Variants in ADAM19 observed in about 807,000 individuals in gnomAD.
ADAM19 encodes ADAM metallopeptidase domain 19.
In ADAM19, 65 loss-of-function variants were observed where a neutral mutation model predicts 114.7. The observed-to-expected ratio is 0.57, with a 90% confidence interval of 0.46 to 0.70. The LOEUF is 0.70. Ranked by LOEUF, ADAM19 falls within the 30% of genes least tolerant of loss-of-function variation. The pLI is 0.00. For missense variants in ADAM19, 1,063 were observed against 1,204.7 expected (o/e 0.88, Z 1.74); for synonymous variants, 466 against 460.5 (o/e 1.01, Z -0.15).
chr5:157,563,262 G>GCTT (rs1220953826), intron 3 of ADAM19, among the ~76,000 whole-genome samples: 1 of 152,124 alleles, frequency 6.6e-6, no homozygotes, highest in Non-Finnish European at 1.5e-5. Flanking sequence ...CATCTTTCTG[G>GCTT]CTTCCCGAGG....
At chr5:157,514,212 A>G (rs180987417) in intron 7 of ADAM19, among the ~76,000 whole-genome samples, 1 of 152,338 alleles carries the variant, frequency 6.6e-6, no homozygotes, top group African/African-American at 2.4e-5. Context: ...GAGGAGGACC[A>G]TAAGACACTG....
chr5:157,547,595 A>G (rs1381139138), intron 3 of ADAM19, among the ~76,000 whole-genome samples: 1 of 152,226 alleles, frequency 6.6e-6, no homozygotes, highest in East Asian at 1.9e-4. Context: ...GAACTGTGAG[A>G]AACAGATTTC....
chr5:157,529,815 C>T (rs946342614), intron 5 of ADAM19, among the ~76,000 whole-genome samples: 4 of 152,206 alleles, frequency 2.6e-5, no homozygotes, highest in African/African-American at 9.7e-5. Flanking sequence ...GCTACCAGCT[C>T]AAAGCCAGGT....
intron 6 of ADAM19, 115 bp from the exon 7 acceptor site, chr5:157,519,003 G>T (rs1474475905): frequency 1.4e-5 from 12 of 861,544 alleles, no homozygotes; most frequent in Non-Finnish European, 1.5e-5. Context: ...TAATGATTTT[G>T]TCATTCGGCA....
intron 3 of ADAM19, among the ~76,000 whole-genome samples, chr5:157,538,345 T>C (rs1256651640): frequency 2.6e-5 from 4 of 152,226 alleles, no homozygotes; most frequent in African/African-American, 7.2e-5. Flanking sequence ...TGTACCGTGG[T>C]TGATTTTTCC....
At chr5:157,504,022 T>A (rs1324001182) in intron 11 of ADAM19, among the ~76,000 whole-genome samples, 3 of 152,256 alleles carry the variant, frequency 2.0e-5, no homozygotes, top group African/African-American at 7.2e-5. Context: ...CTGGAGCTTT[T>A]CCTTCAGTGG....
At chr5:157,518,730 G>T in intron 7 of ADAM19, 93 bp downstream of exon 7, 1 of 1,034,330 alleles carries the variant, frequency 9.7e-7, no homozygotes, top group Non-Finnish European at 1.5e-6. Context: ...GGAGAAAGAT[G>T]AATGGGCAAC....
intron 1 of ADAM19, among the ~76,000 whole-genome samples, chr5:157,574,755 G>A (rs1209970505): frequency 6.6e-6 from 1 of 152,166 alleles, no homozygotes; most frequent in Non-Finnish European, 1.5e-5. Context: ...GCCGGGGAGG[G>A]GATTGGTGTC....
chr5:157,575,632 G>A lies in ADAM19; in HGVS notation c.65C>T (p.Pro22Leu), dbSNP rs1277175602. ...CCATCCAGGCTCCCGCGCCGCCCGCGGCCGGAGGGGCTGCAGGGCAAACGC... is the reference window on the plus strand; with the variant it reads ...CCATCCAGGCTCCCGCGCCGCCCGCAGCCGGAGGGGCTGCAGGGCAAACGC... Reference protein sequence around the residue: ...LLAFALQPLRPRAAREPGWTR... With the variant: ...LLAFALQPLRLRAAREPGWTR... Residue 22 changes from proline to leucine, a missense_variant, in exon 1 of 23, where the codon CCG becomes CTG. By Grantham distance (98) the Pro-to-Leu change is moderately conservative. Transcript: ENST00000257527. 1 of 1,439,152 alleles carries A rather than the reference G, an allele frequency of 6.9e-7. No homozygotes were observed. The allele number at this position is 1,439,152 out of a possible 1,614,324, so 89.1% of individuals were successfully genotyped here. A position where few individuals can be genotyped will look rare whatever the true frequency, so the allele number is the denominator to read the frequency against.
In ADAM19 at chr5:157,488,440, C is replaced by T. The variant is rs138014472; in HGVS notation, c.2375G>A (p.Arg792Gln). Residue 792 changes from arginine to glutamine, a missense_variant, in exon 21 of 23, where the codon CGG becomes CAG. Transcript: ENST00000257527. ...ILRKPSQPPP[R>Q]PPPDYLRGGS... The stretch of plus-strand genomic sequence containing the variant: ...ACCACGCAGATAATCTGGAGGGGGC[C>T]GGGGAGGAGGCTGGGAGGGCTTCCG... 16 of 1,610,862 alleles carry T rather than the reference C, an allele frequency of 9.9e-6. No individual in the cohort carries two copies. The highest frequency in any genetic ancestry group is 1.1e-5 in the Non-Finnish European group (13 of 1,177,982).
At position 157,493,171 on chromosome 5, in the gene ADAM19, C is replaced by T. The variant is rs143295058; in HGVS notation, c.1710G>A (p.Ala570=). 7.8e-5 allele frequency: 126 copies of T among 1,613,406 alleles called. No homozygotes were observed. Among genetic ancestry groups the T allele is most frequent in the African/African-American group, 5.5e-4 (41 of 74,908 alleles). Residue 570 remains alanine, a synonymous_variant, in exon 16 of 23, where the codon GCG becomes GCA. Transcript: ENST00000257527. ...TCTGACACTGGATCTTCCCACACTT[C>T]GCATCTCTGGGCACAAGAGACAGAG... ...GEHRKCNMRD[A]KCGKIQCQSS...
chr5:157,506,174 G>C (rs10055180), intron 10 of ADAM19, among the ~76,000 whole-genome samples: 2 of 152,172 alleles, frequency 1.3e-5, no homozygotes, highest in East Asian at 3.9e-4. Flanking sequence ...ACACGACCTT[G>C]ATTCAAACAT....
rs199736936 is a variant in ADAM19, at chr5:157,513,516, C to T, written c.667-11G>A. 1 of 1,613,110 alleles carries T rather than the reference C, an allele frequency of 6.2e-7. No individual in the cohort carries two copies. Among genetic ancestry groups the T allele is most frequent in the Non-Finnish European group, 8.5e-7 (1 of 1,179,210 alleles). On this transcript the variant is annotated splice_polypyrimidine_tract_variant and intron_variant, in intron 7 of 22. Coordinates refer to ENST00000257527, the MANE Select transcript of ADAM19 (RefSeq NM_033274.5). ...TCGATTCTTCTGAAACTAAATGGGA[C>T]AAGCAGAACCATGTGAGATCCCAGA...
chr5:157,523,388 G>A (rs772109596), intron 5 of ADAM19, among the ~76,000 whole-genome samples: 5 of 152,214 alleles, frequency 3.3e-5, no homozygotes, highest in East Asian at 1.9e-4. Flanking sequence ...ATTGTTGGAG[G>A]TGGGCCTGGT....
intron 3 of ADAM19, among the ~76,000 whole-genome samples, chr5:157,540,585 AC>A (rs1390986727): frequency 6.6e-6 from 1 of 152,132 alleles, no homozygotes; most frequent in African/African-American, 2.4e-5. Flanking sequence ...CTCCCCAAAA[AC>A]AGGGACCTTG....
intron 5 of ADAM19, among the ~76,000 whole-genome samples, chr5:157,528,459 C>T (rs1334628335): frequency 6.6e-6 from 1 of 152,222 alleles, no homozygotes; most frequent in East Asian, 1.9e-4. Flanking sequence ...TTGGGACAAA[C>T]TTTGTTTACT....
At chr5:157,483,944 CTTT>C (rs397771063) in intron 21 of ADAM19, among the ~76,000 whole-genome samples, 3 of 143,716 alleles carry the variant, frequency 2.1e-5, no homozygotes, top group African/African-American at 2.6e-5. Flanking sequence ...TTGAACATTC[CTTT>C]TTTTTTTTTT....
At chr5:157,539,553 G>A (rs1199797798) in intron 3 of ADAM19, among the ~76,000 whole-genome samples, 1 of 152,160 alleles carries the variant, frequency 6.6e-6, no homozygotes, top group Non-Finnish European at 1.5e-5. Flanking sequence ...ATTGTCTCCT[G>A]TACTATGTCA....
In ADAM19 at chr5:157,488,987, G is replaced by A. The variant is rs902251748; in HGVS notation, c.2325+115C>T. ...GGAGCTTGCAGTGAGCTGAGATGGC[G>A]CCACTGTACTCCAGCCTGGGCGACA... On this transcript the variant is annotated intron_variant, in intron 20 of 22. Transcript: ENST00000257527. 31 of 760,636 alleles carry A rather than the reference G, an allele frequency of 4.1e-5. 1 individual carries two copies. The highest frequency in any genetic ancestry group is 4.0e-4 in the Admixed American group (18 of 44,778). The allele number at this position is 760,636 out of a possible 1,614,324, so 47.1% of individuals were successfully genotyped here.
Sources: gnomAD v4.1 joint callset for allele counts (sites outside exome capture counted in the v4.1 genomes callset) on GRCh38, gnomAD v4.1.1 for gene constraint, MANE v1.5 for transcripts, NCBI Gene and HGNC (gene_info 2026-07-23, HGNC 2026-07-21) for gene names.